PDGFRA: variants seen among roughly 807,000 people sequenced by gnomAD.
PDGFRA encodes the protein platelet derived growth factor receptor alpha, also known as platelet-derived growth factor receptor alpha.
A neutral mutation model predicts 121.5 loss-of-function variants in PDGFRA; 25 were observed. The observed-to-expected ratio is 0.21, with a 90% CI of 0.15 to 0.29. PDGFRA has a LOEUF of 0.29. PDGFRA is among the 10% of genes least tolerant of loss of function. PDGFRA has a pLI of 1.00. For missense variants in PDGFRA, 1,008 were observed against 1,345.1 expected (o/e 0.75, Z 3.92); for synonymous variants, 463 against 494.8 (o/e 0.94, Z 0.85).
chr4:54,285,533 T>C lies in PDGFRA; in HGVS notation c.2439+47T>C, dbSNP rs369172713. On this transcript the variant is annotated intron_variant, in intron 17 of 22. Coordinates refer to ENST00000257290, the MANE Select transcript of PDGFRA (RefSeq NM_006206.6). ...CTTTTTAGACCCAGATTTCAGTGAG[T>C]GGAGTGTGGACGGAGATGCTAGGAG... is the stretch of plus-strand genomic sequence containing the variant. 3.8e-5 allele frequency: 33 copies of C among 861,356 alleles called. 1 individual carries two copies. The highest frequency in any genetic ancestry group is 4.3e-4 in the Middle Eastern group (2 of 4,634). 53.4% of individuals were successfully genotyped at this position (861,356 alleles called of 1,614,324 possible).
chr4:54,234,118 C>T (rs1296798986), intron 1 of PDGFRA, among the ~76,000 whole-genome samples: 1 of 152,214 alleles, frequency 6.6e-6, no homozygotes, highest in Non-Finnish European at 1.5e-5. Context: ...TTCCCGGCTC[C>T]GAAGACGTCT....
intron 7 of PDGFRA, among the ~76,000 whole-genome samples, chr4:54,267,944 G>A (rs945420144): frequency 6.6e-6 from 1 of 152,176 alleles, no homozygotes; most frequent in Non-Finnish European, 1.5e-5. Context: ...ATGAGAAGAT[G>A]AGAAGAAAGA....
In PDGFRA at chr4:54,282,995, G is replaced by A. The variant is rs561435688; in HGVS notation, c.2324-2376G>A. ...CTGATGCAAGGGGTGGAGCTCTTGG[G>A]AGGGATGGAACACCCTGTGGCTTTG... On this transcript the variant is annotated intron_variant, in intron 16 of 22. Coordinates refer to ENST00000257290, the MANE Select transcript of PDGFRA (RefSeq NM_006206.6). 1.1e-4 allele frequency among the ~76,000 whole-genome samples: 17 copies of A among 152,326 alleles called. No homozygotes were observed. The South Asian group carries it at 3.5e-3, about 32-fold the overall frequency.
At chr4:54,234,010 G>A (rs945735839) in intron 1 of PDGFRA, among the ~76,000 whole-genome samples, 6 of 152,210 alleles carry the variant, frequency 3.9e-5, no homozygotes, top group African/African-American at 1.4e-4. Context: ...CCCCTGCCCC[G>A]AGGGGGCGGA....
At chr4:54,264,209 A>G in intron 4 of PDGFRA, 1 of 516,728 alleles carries the variant, frequency 1.9e-6, no homozygotes, top group Non-Finnish European at 3.4e-6. Context: ...ACTTTCATTC[A>G]CATTCCTGAC....
intron 22 of PDGFRA, among the ~76,000 whole-genome samples, chr4:54,294,662 A>T (rs754243814): frequency 5.3e-5 from 8 of 151,986 alleles, no homozygotes; most frequent in Non-Finnish European, 1.0e-4. Context: ...TGATGTCAAG[A>T]GAGAGGGGAA....
Position 54,285,372 on chromosome 4 carries a change from C to T in PDGFRA, c.2325C>T (p.Asp775=), listed in dbSNP as rs1386194880. The change falls in exon 17 of 23, where the codon GAC becomes GAT. Residue 775 remains aspartate (D), a splice_region_variant and synonymous_variant. Transcript: ENST00000257290. ...ATACATTTAATTTCTTTTCTGCAGA[C>T]TCAGAAGTCAAAAACCTCCTTTCAG... ...PASYKKKSML[D]SEVKNLLSDD... 2.4e-6 allele frequency: 3 copies of T among 1,276,360 alleles called. No homozygotes were observed. In the Admixed American group the frequency reaches 5.0e-5, roughly 21 times the overall value. The allele number at this position is 1,276,360 out of a possible 1,614,324, so 79.1% of individuals were successfully genotyped here.
intron 18 of PDGFRA, among the ~76,000 whole-genome samples, chr4:54,286,998 A>G (rs938157235): frequency 6.6e-6 from 1 of 152,124 alleles, no homozygotes; most frequent in Non-Finnish European, 1.5e-5. Context: ...ACCTAGAGAA[A>G]GACATGGGCC....
Position 54,296,689 on chromosome 4 carries a change from G to A in PDGFRA, c.*1417G>A, listed in dbSNP as rs190583334. On this transcript the variant is annotated 3_prime_UTR_variant, in exon 23 of 23. Coordinates refer to ENST00000257290, the MANE Select transcript of PDGFRA (RefSeq NM_006206.6). The stretch of plus-strand genomic sequence containing the variant: ...GAGTCTGTATTTTTCTAAACTCCCT[G>A]GCTGTTCTGATCGGCCAGTTTTCGG... 4.3e-5 allele frequency: 10 copies of A among 232,696 alleles called. No homozygotes were observed. Among genetic ancestry groups the A allele is most frequent in the Middle Eastern group, 1.3e-3 (1 of 782 alleles). 14.4% of individuals were successfully genotyped at this position (232,696 alleles called of 1,614,324 possible).
chr4:54,246,579 A>C (rs932240814), intron 1 of PDGFRA, among the ~76,000 whole-genome samples: 4 of 152,182 alleles, frequency 2.6e-5, no homozygotes, highest in African/African-American at 4.8e-5. Context: ...GTGTAGAGGG[A>C]AATTTATAGC....
chr4:54,293,942 T>TGTG (rs56396915), intron 22 of PDGFRA, among the ~76,000 whole-genome samples: 7 of 151,388 alleles, frequency 4.6e-5, no homozygotes, highest in East Asian at 1.9e-4. Flanking sequence ...TGTGTGTGTG[T>TGTG]TTTCCTCTTC....
chr4:54,293,926 T>TGTGTGC (rs1319707988), intron 22 of PDGFRA, among the ~76,000 whole-genome samples: 2 of 151,706 alleles, frequency 1.3e-5, no homozygotes, highest in Non-Finnish European at 2.9e-5. Flanking sequence ...TGTGTGTGTG[T>TGTGTGC]GTGTGTGTGT....
At chr4:54,281,028 T>C (rs1724052863) in intron 16 of PDGFRA, among the ~76,000 whole-genome samples, 1 of 152,222 alleles carries the variant, frequency 6.6e-6, no homozygotes, top group Non-Finnish European at 1.5e-5. Context: ...TTTGCAGTTA[T>C]ATTTTCTGGA....
chr4:54,241,514 A>AATTTATTT (rs34623203), intron 1 of PDGFRA, among the ~76,000 whole-genome samples: 2,595 of 148,436 alleles, frequency 0.017, 59 homozygotes, highest in Admixed American at 0.017. Flanking sequence ...ACTGAAAGGA[A>AATTTATTT]ATTTATTTAT....
At position 54,290,164 on chromosome 4, in the gene PDGFRA, T is replaced by A. The variant is rs952304472; in HGVS notation, c.2881-149T>A. On this transcript the variant is annotated intron_variant, in intron 21 of 22. Transcript: ENST00000257290. The stretch of plus-strand genomic sequence containing the variant: ...CATGTTCTATGTCTCTGGGGATAGT[T>A]GACATGACTCTCCTTCAACTAAGTC... 2.6e-5 allele frequency: 18 copies of A among 699,810 alleles called. No homozygotes were observed. In the Admixed American group the frequency reaches 3.7e-4, roughly 14 times the overall value. 43.4% of individuals were successfully genotyped at this position (699,810 alleles called of 1,614,324 possible). A position where few individuals can be genotyped will look rare whatever the true frequency, so the allele number is the denominator to read the frequency against.
intron 7 of PDGFRA, among the ~76,000 whole-genome samples, chr4:54,270,010 G>A (rs570788264): frequency 6.6e-6 from 1 of 151,928 alleles, no homozygotes; most frequent in Admixed American, 6.6e-5. Flanking sequence ...CAAACAAAAA[G>A]AGAATGCATT....
intron 1 of PDGFRA, 146 bp downstream of exon 1, chr4:54,229,561 T>A (rs78336634): frequency 3.6e-6 from 1 of 274,480 alleles, no homozygotes; most frequent in Non-Finnish European, 6.7e-6. Flanking sequence ...CAGAGAGTAA[T>A]TTTTTTTTTT....
Position 54,297,146 on chromosome 4 carries a change from G to T in PDGFRA, c.*1874G>T. The T allele has an allele frequency of 8.6e-6, 2 of 233,476 alleles. No homozygotes were observed. Among genetic ancestry groups the T allele is most frequent in the East Asian group, 6.0e-5 (1 of 16,584 alleles). The allele number at this position is 233,476 out of a possible 1,614,324, so 14.5% of individuals were successfully genotyped here. On this transcript the variant is annotated 3_prime_UTR_variant, in exon 23 of 23. Coordinates refer to ENST00000257290, the MANE Select transcript of PDGFRA (RefSeq NM_006206.6). Reference sequence around the variant, plus strand: ...TTGAGGTTAGATGGGAGGATGAATTGTCACATCTATCCACACTGTCAAACA... The same window carrying T: ...TTGAGGTTAGATGGGAGGATGAATTTTCACATCTATCCACACTGTCAAACA...
rs928250898 is a variant in PDGFRA, at chr4:54,297,431, C to T, written c.*2159C>T. 1 of 233,590 alleles carries T rather than the reference C, an allele frequency of 4.3e-6. No homozygotes were observed. Among genetic ancestry groups the T allele is most frequent in the Non-Finnish European group, 8.5e-6 (1 of 118,068 alleles). 14.5% of individuals were successfully genotyped at this position (233,590 alleles called of 1,614,324 possible). On this transcript the variant is annotated 3_prime_UTR_variant, in exon 23 of 23. Coordinates refer to ENST00000257290, the MANE Select transcript of PDGFRA (RefSeq NM_006206.6). Reference sequence around the variant, plus strand: ...TTAAAAACGAAAACCTGACTAGGTTCTGTAGAGCCAATTAGACTTGAAATA... The same window carrying T: ...TTAAAAACGAAAACCTGACTAGGTTTTGTAGAGCCAATTAGACTTGAAATA...
Sources: allele counts gnomAD v4.1 joint callset (sites outside exome capture counted in the v4.1 genomes callset), GRCh38; gene constraint gnomAD v4.1.1; transcripts MANE v1.5; gene names NCBI Gene and HGNC (gene_info 2026-07-23, HGNC 2026-07-21).